Variants in AFF4 observed in about 807,000 individuals in gnomAD.
AFF4 encodes ALF transcription elongation factor 4.
AFF4 carries 13 observed loss-of-function variants against 124.8 expected under a neutral mutation model. The ratio of observed to expected loss-of-function variants is 0.10; its 90% confidence interval spans 0.07 to 0.17. The LOEUF (loss-of-function observed/expected upper bound fraction) is 0.17, where lower values mean the gene tolerates loss of function less well. Ranked by LOEUF, AFF4 falls within the 10% of genes least tolerant of loss-of-function variation. The pLI is 1.00. For missense variants in AFF4, 1,092 were observed against 1,403.8 expected (o/e 0.78, Z 3.55); for synonymous variants, 477 against 496.1 (o/e 0.96, Z 0.51).
chr5:132,929,043 G>A (rs1379722470), intron 4 of AFF4, among the ~76,000 whole-genome samples: 2 of 151,980 alleles, frequency 1.3e-5, no homozygotes, highest in Admixed American at 1.3e-4. Flanking sequence ...AGCATGCCTT[G>A]AATAAATCAT....
Position 132,902,471 on chromosome 5 carries a change from A to C in AFF4, c.1104T>G (p.Ser368=). Residue 368 remains serine, a synonymous_variant, in exon 7 of 21, where the codon TCT becomes TCG. Transcript: ENST00000265343. ...GTGEQKRYNP[S]KTSNGHQSKS... Reference sequence around the variant, plus strand: ...TAGACTGGTGCCCATTTGAAGTTTTAGAAGGATTATATCTTTCTGGAACAA... The same window carrying C: ...TAGACTGGTGCCCATTTGAAGTTTTCGAAGGATTATATCTTTCTGGAACAA... The C allele has an allele frequency of 6.2e-7, 1 of 1,608,662 alleles. No individual in the cohort carries two copies. The highest frequency in any genetic ancestry group is 8.5e-7 in the Non-Finnish European group (1 of 1,175,254).
At chr5:132,885,267 TG>T in intron 18 of AFF4, 148 bp from the exon 19 acceptor site, 1 of 476,198 alleles carries the variant, frequency 2.1e-6, no homozygotes, top group East Asian at 3.5e-5. Flanking sequence ...TGTGTGTGTG[TG>T]TGTGTGTGTA....
chr5:132,937,066 C>A lies in AFF4; in HGVS notation c.123+1G>T. 6.3e-7 allele frequency: 1 copy of A among 1,599,408 alleles called. No homozygotes were observed. Among genetic ancestry groups the A allele is most frequent in the South Asian group, 1.1e-5 (1 of 89,216 alleles). On this transcript the variant is annotated splice_donor_variant, in intron 2 of 20. Transcript: ENST00000265343. LOFTEE classifies it high-confidence loss of function. The stretch of plus-strand genomic sequence containing the variant: ...AAAACATTCACAGAAGGGCAACTTA[C>A]AACTTTGTATGGCTCTGCAAAGAGA...
In AFF4 at chr5:132,936,374, G is replaced by T. The variant is rs192760673; in HGVS notation, c.123+693C>A. On this transcript the variant is annotated intron_variant, in intron 2 of 20. Coordinates refer to ENST00000265343, the MANE Select transcript of AFF4 (RefSeq NM_014423.4). ...AATATTATATTCCTCATAACTCAAT[G>T]TTATAGTTAGAAGCAGAAACAAAAA... Among the ~76,000 whole-genome samples, 119 of 149,844 alleles carry T rather than the reference G, an allele frequency of 7.9e-4. 1 individual carries two copies. Among genetic ancestry groups the T allele is most frequent in the African/African-American group, 2.8e-3 (115 of 40,742 alleles).
intron 1 of AFF4, among the ~76,000 whole-genome samples, chr5:132,939,320 A>C (rs941826237): frequency 1.3e-5 from 2 of 152,158 alleles, no homozygotes; most frequent in African/African-American, 4.8e-5. Flanking sequence ...ATTTTCTAAT[A>C]AGCTTAAACA....
intron 5 of AFF4, among the ~76,000 whole-genome samples, chr5:132,926,055 C>T (rs143993322): frequency 3.8e-4 from 58 of 152,148 alleles, no homozygotes; most frequent in Middle Eastern, 3.4e-3. Flanking sequence ...TAAAAAGAAA[C>T]GAAATACCTC....
At position 132,878,591 on chromosome 5, in the gene AFF4, C is replaced by T. The variant is rs1759896168; in HGVS notation, c.*2468G>A. 1 of 230,540 alleles carries T rather than the reference C, an allele frequency of 4.3e-6. No homozygotes were observed. Among genetic ancestry groups the T allele is most frequent in the East Asian group, 6.2e-5 (1 of 16,178 alleles). 14.3% of individuals were successfully genotyped at this position (230,540 alleles called of 1,614,324 possible). On this transcript the variant is annotated 3_prime_UTR_variant, in exon 21 of 21. Transcript: ENST00000265343. ...GAGGAAAGGGAGTAGTATTTCCACA[C>T]ACTATGACATTGAAAATTCAATCAT...
At chr5:132,894,818 G>C (rs570210625) in intron 11 of AFF4, among the ~76,000 whole-genome samples, 1 of 152,186 alleles carries the variant, frequency 6.6e-6, no homozygotes, top group South Asian at 2.1e-4. Context: ...GCCAGGTGTG[G>C]GGTCGCATGC....
chr5:132,896,201 G>T (rs774760999), intron 11 of AFF4, 122 bp downstream of exon 11: 89 of 1,205,564 alleles, frequency 7.4e-5, no homozygotes, highest in Non-Finnish European at 9.1e-5. Context: ...CTGGGCCTTG[G>T]GTTTACCCAC....
At chr5:132,952,040 T>C (rs373432118) in intron 1 of AFF4, among the ~76,000 whole-genome samples, 8 of 152,206 alleles carry the variant, frequency 5.3e-5, no homozygotes, top group Non-Finnish European at 8.8e-5. Flanking sequence ...AGATGACACA[T>C]ATTTAGGTAG....
intron 5 of AFF4, among the ~76,000 whole-genome samples, chr5:132,921,817 G>C (rs1163468976): frequency 6.6e-6 from 1 of 151,970 alleles, no homozygotes; most frequent in Non-Finnish European, 1.5e-5. Context: ...GTCAGTCTCT[G>C]TGACCCAGGC....
intron 1 of AFF4, among the ~76,000 whole-genome samples, 171 bp from the exon 2 acceptor site, chr5:132,937,364 C>T (rs184475349): frequency 1.3e-5 from 2 of 152,258 alleles, no homozygotes; most frequent in East Asian, 1.9e-4. Flanking sequence ...CAACAAATAC[C>T]AATAGTGTCT....
intron 5 of AFF4, among the ~76,000 whole-genome samples, chr5:132,917,118 C>T (rs1760931621): frequency 6.6e-6 from 1 of 151,990 alleles, no homozygotes; most frequent in African/African-American, 2.4e-5. Flanking sequence ...AGGGTTTCTC[C>T]ATGTTGGTCA....
chr5:132,938,550 A>G (rs773253319), intron 1 of AFF4, among the ~76,000 whole-genome samples: 2 of 151,830 alleles, frequency 1.3e-5, no homozygotes, highest in Non-Finnish European at 2.9e-5. Flanking sequence ...CAGGCATGAG[A>G]GCAACCAAGT....
intron 20 of AFF4, among the ~76,000 whole-genome samples, chr5:132,882,144 T>C (rs1033913075): frequency 6.7e-6 from 1 of 149,704 alleles, no homozygotes; most frequent in Non-Finnish European, 1.5e-5. Flanking sequence ...GCCCAAGAGG[T>C]AGATGCTGCA....
rs767985359 is a variant in AFF4 at position 132,897,048 on chromosome 5, T to C, written c.1582A>G (p.Thr528Ala). 1 of 1,614,156 alleles carries C rather than the reference T, an allele frequency of 6.2e-7. No homozygotes were observed. Residue 528 changes from threonine (T) to alanine (A), a missense_variant, in exon 11 of 21, where the codon ACT becomes GCT. By Grantham distance (58) the Thr-to-Ala change is moderately conservative. Coordinates refer to ENST00000265343, the MANE Select transcript of AFF4 (RefSeq NM_014423.4). ...TSGPKETSSATPGRDSKTIQK... is the reference protein window; with the variant it reads ...TSGPKETSSAAPGRDSKTIQK... ...ATGGTTTTGGAGTCTCGTCCCGGAG[T>C]AGCGGAACTCGTTTCTTTAGGTCCA...
At chr5:132,927,987 A>G (rs1249723158) in intron 4 of AFF4, among the ~76,000 whole-genome samples, 1 of 152,204 alleles carries the variant, frequency 6.6e-6, no homozygotes, top group African/African-American at 2.4e-5. Context: ...CAGAATAAGG[A>G]GAGAGTATAT....
intron 1 of AFF4, among the ~76,000 whole-genome samples, chr5:132,958,745 C>T (rs1488145551): frequency 6.6e-6 from 1 of 152,120 alleles, no homozygotes; most frequent in Non-Finnish European, 1.5e-5. Flanking sequence ...TGTCCCTTCC[C>T]TAATGATGAC....
At chr5:132,911,377 C>A (rs1475015440) in intron 5 of AFF4, among the ~76,000 whole-genome samples, 3 of 151,982 alleles carry the variant, frequency 2.0e-5, no homozygotes, top group African/African-American at 7.3e-5. Context: ...TAATAAATAT[C>A]TGTTTAATTA....
Sources: gnomAD v4.1 joint callset for allele counts (sites outside exome capture counted in the v4.1 genomes callset) on GRCh38, gnomAD v4.1.1 for gene constraint, MANE v1.5 for transcripts, NCBI Gene and HGNC (gene_info 2026-07-23, HGNC 2026-07-21) for gene names.